Variants in KIAA0825 observed in about 807,000 individuals in gnomAD.
KIAA0825 encodes the protein uncharacterized protein KIAA0825.
A neutral mutation model predicts 147.6 loss-of-function variants in KIAA0825; 119 were observed. That is an observed-to-expected ratio of 0.81 (90% CI 0.69 to 0.94). The LOEUF (loss-of-function observed/expected upper bound fraction) is 0.94, where lower values mean the gene tolerates loss of function less well. KIAA0825 is among the 40% of genes least tolerant of loss of function. The pLI is 0.00. For missense variants in KIAA0825, 1,381 were observed against 1,472.7 expected (o/e 0.94, Z 1.02); for synonymous variants, 470 against 518.1 (o/e 0.91, Z 1.26).
At chr5:94,177,876 A>G (rs1262223073) in intron 20 of KIAA0825, among the ~76,000 whole-genome samples, 2 of 152,124 alleles carry the variant, frequency 1.3e-5, no homozygotes, top group Non-Finnish European at 1.5e-5. Context: ...AAGACAGTAA[A>G]TATGACAATT....
intron 2 of KIAA0825, among the ~76,000 whole-genome samples, chr5:94,557,114 A>C (rs186426083): frequency 6.6e-6 from 1 of 151,852 alleles, no homozygotes; most frequent in Non-Finnish European, 1.5e-5. Flanking sequence ...TTAATTAATT[A>C]ATTTATTTAT....
chr5:94,180,877 T>G (rs1769547347), intron 20 of KIAA0825, among the ~76,000 whole-genome samples: 1 of 152,162 alleles, frequency 6.6e-6, no homozygotes, highest in African/African-American at 2.4e-5. Context: ...TACTTTCTTT[T>G]AGGCTGCAGC....
intron 2 of KIAA0825, among the ~76,000 whole-genome samples, chr5:94,578,147 G>A (rs898593247): frequency 1.3e-5 from 2 of 152,186 alleles, no homozygotes; most frequent in African/African-American, 4.8e-5. Context: ...CTTGCCAATA[G>A]ATAGCCAAGA....
intron 20 of KIAA0825, among the ~76,000 whole-genome samples, chr5:94,354,202 A>T (rs1784005756): frequency 6.6e-6 from 1 of 152,190 alleles, no homozygotes; most frequent in Non-Finnish European, 1.5e-5. Flanking sequence ...AACATTGGCC[A>T]TATACAACAT....
At chr5:94,274,031 A>G (rs988340976) in intron 20 of KIAA0825, among the ~76,000 whole-genome samples, 1 of 152,168 alleles carries the variant, frequency 6.6e-6, no homozygotes, top group Non-Finnish European at 1.5e-5. Context: ...GTGCTCTTTG[A>G]TTTGAACCAA....
At chr5:94,589,443 A>C (rs530218642) in intron 1 of KIAA0825, among the ~76,000 whole-genome samples, 26 of 152,320 alleles carry the variant, frequency 1.7e-4, no homozygotes, top group African/African-American at 6.0e-4. Context: ...GACCCTCCTC[A>C]CCAAAACAAA....
intron 20 of KIAA0825, among the ~76,000 whole-genome samples, chr5:94,348,568 G>T (rs1323092247): frequency 6.6e-6 from 1 of 152,070 alleles, no homozygotes; most frequent in Non-Finnish European, 1.5e-5. Context: ...GGAAGGAAAG[G>T]AGACTCACCT....
At chr5:94,598,234 A>T (rs1785668301) in intron 1 of KIAA0825, among the ~76,000 whole-genome samples, 1 of 152,116 alleles carries the variant, frequency 6.6e-6, no homozygotes, top group Non-Finnish European at 1.5e-5. Flanking sequence ...TAAGTTTTTA[A>T]AAAATATTTT....
chr5:94,591,844 T>TGG (rs1784411855), intron 1 of KIAA0825, among the ~76,000 whole-genome samples: 1 of 152,080 alleles, frequency 6.6e-6, no homozygotes, highest in Non-Finnish European at 1.5e-5. Context: ...AAGGCATATA[T>TGG]TACATGATGG....
At chr5:94,283,021 GA>G (rs927950786) in intron 20 of KIAA0825, among the ~76,000 whole-genome samples, 4 of 152,030 alleles carry the variant, frequency 2.6e-5, no homozygotes, top group African/African-American at 9.7e-5. Context: ...CAAAGCAGAA[GA>G]ATGCAATAAT....
intron 1 of KIAA0825, among the ~76,000 whole-genome samples, chr5:94,604,980 A>T (rs939685468): frequency 1.3e-5 from 2 of 152,090 alleles, no homozygotes; most frequent in Non-Finnish European, 1.5e-5. Context: ...CAAAAAAATT[A>T]AAAAAATAGA....
chr5:94,590,909 T>A (rs1440262288), intron 1 of KIAA0825, among the ~76,000 whole-genome samples: 1 of 152,130 alleles, frequency 6.6e-6, no homozygotes, highest in East Asian at 1.9e-4. Flanking sequence ...ACAGCAATTA[T>A]GAAAAAGGAG....
rs918735422 is a variant in KIAA0825, at chr5:94,547,561, C to A, written c.-1-10434G>T. 3.6e-4 allele frequency among the ~76,000 whole-genome samples: 55 copies of A among 152,088 alleles called. 1 individual carries two copies. Among genetic ancestry groups the A allele is most frequent in the African/African-American group, 1.2e-3 (48 of 41,464 alleles). ...GACCAGCCTGGCCAACATGGTGAAA[C>A]CCCGTCTCTACTAAAGATACAAAAA... On this transcript the variant is annotated intron_variant, in intron 2 of 20. Transcript: ENST00000682413.
At chr5:94,378,476 A>G (rs1198311876) in intron 20 of KIAA0825, among the ~76,000 whole-genome samples, 2 of 152,178 alleles carry the variant, frequency 1.3e-5, no homozygotes, top group African/African-American at 2.4e-5. Flanking sequence ...TAGTGTATAT[A>G]TGTCACATTT....
intron 15 of KIAA0825, among the ~76,000 whole-genome samples, chr5:94,410,364 A>G (rs1000674584): frequency 1.3e-5 from 2 of 152,190 alleles, no homozygotes; most frequent in African/African-American, 4.8e-5. Flanking sequence ...TATACACGAA[A>G]TTGAGTCCCA....
At chr5:94,268,005 G>C (rs2150139293) in intron 20 of KIAA0825, among the ~76,000 whole-genome samples, 1 of 152,032 alleles carries the variant, frequency 6.6e-6, no homozygotes, top group South Asian at 2.1e-4. Context: ...TTAGTAGCCT[G>C]TCAATTTTTA....
At chr5:94,503,712 T>C (rs1011251942) in intron 5 of KIAA0825, among the ~76,000 whole-genome samples, 1 of 152,204 alleles carries the variant, frequency 6.6e-6, no homozygotes, top group African/African-American at 2.4e-5. Context: ...ATTACTTCCC[T>C]TCTTGGTTGT....
intron 2 of KIAA0825, among the ~76,000 whole-genome samples, chr5:94,548,452 C>T (rs1446594216): frequency 6.6e-6 from 1 of 151,790 alleles, no homozygotes; most frequent in Non-Finnish European, 1.5e-5. Flanking sequence ...ATCAGATCCC[C>T]GTAGAAAATC....
intron 2 of KIAA0825, chr5:94,569,264 CA>C: frequency 1.9e-5 from 5 of 265,358 alleles, no homozygotes; most frequent in South Asian, 1.6e-4. Context: ...GTAGTGTACC[CA>C]AAAACAACCA....
Sources: gnomAD v4.1 joint callset for allele counts (sites outside exome capture counted in the v4.1 genomes callset) on GRCh38, gnomAD v4.1.1 for gene constraint, MANE v1.5 for transcripts, NCBI Gene and HGNC (gene_info 2026-07-23, HGNC 2026-07-21) for gene names.